The following GPC5 variants were observed in gnomAD, a reference collection of about 807,000 sequenced individuals.
GPC5 encodes glypican-5.
A neutral mutation model predicts 53.9 loss-of-function variants in GPC5; 47 were observed. The observed-to-expected ratio is 0.87, with a 90% CI of 0.69 to 1.11. The LOEUF is 1.11. Among genes scored for constraint, GPC5 ranks in the 50% most tolerant of loss-of-function variants. The pLI, the probability that GPC5 is intolerant of heterozygous loss-of-function variation, is 0.00. For synonymous variants in GPC5, 286 were observed against 263.3 expected (o/e 1.09, Z -0.84); for missense variants, 748 against 713.1 (o/e 1.05, Z -0.56).
At chr13:92,541,331 A>G (rs779655738) in intron 7 of GPC5, among the ~76,000 whole-genome samples, 4 of 151,872 alleles carry the variant, frequency 2.6e-5, no homozygotes, top group Non-Finnish European at 5.9e-5. Flanking sequence ...TAAAAATATT[A>G]TATGAAAATG....
In GPC5 at chr13:91,752,030, G is replaced by A. The variant is rs192911056; in HGVS notation, c.1155-4265G>A. ...CAAGATAAAGGTGTTGGCAGGTTTG[G>A]TTTCTGCAGAGGCTTCTCTCCTTGG... is the stretch of plus-strand genomic sequence containing the variant. On this transcript the variant is annotated intron_variant, in intron 4 of 7. Coordinates refer to ENST00000377067, the MANE Select transcript of GPC5 (RefSeq NM_004466.6). Among the ~76,000 whole-genome samples, 329 of 152,270 alleles carry A rather than the reference G, an allele frequency of 2.2e-3. 7 individuals carry two copies. The highest frequency in any genetic ancestry group is 0.02 in the Admixed American group (310 of 15,298).
intron 2 of GPC5, among the ~76,000 whole-genome samples, chr13:91,688,662 A>C (rs1460130769): frequency 6.6e-6 from 1 of 152,154 alleles, no homozygotes; most frequent in African/African-American, 2.4e-5. Flanking sequence ...GAAATACATC[A>C]TTAGACAATT....
intron 6 of GPC5, among the ~76,000 whole-genome samples, chr13:92,134,393 A>G (rs1219507158): frequency 6.6e-6 from 1 of 152,172 alleles, no homozygotes; most frequent in African/African-American, 2.4e-5. Flanking sequence ...ATTTGGGGAA[A>G]ACATATCTTC....
chr13:91,903,004 C>A (rs1209865355), intron 5 of GPC5, among the ~76,000 whole-genome samples: 18 of 149,064 alleles, frequency 1.2e-4, no homozygotes, highest in Non-Finnish European at 1.5e-5. Context: ...CAGTAAAACA[C>A]CCAAATCTTA....
chr13:91,796,934 G>T (rs1225458845), intron 5 of GPC5, among the ~76,000 whole-genome samples: 1 of 151,906 alleles, frequency 6.6e-6, no homozygotes, highest in Non-Finnish European at 1.5e-5. Context: ...TTTTTCCTTT[G>T]TATTTGTTAC....
intron 7 of GPC5, among the ~76,000 whole-genome samples, chr13:92,833,292 G>A (rs1566437413): frequency 6.6e-6 from 1 of 152,070 alleles, no homozygotes; most frequent in Non-Finnish European, 1.5e-5. Context: ...ATGTAATAGG[G>A]TGAACACAAC....
At chr13:92,512,627 C>G (rs80087740) in intron 7 of GPC5, among the ~76,000 whole-genome samples, 1 of 152,072 alleles carries the variant, frequency 6.6e-6, no homozygotes, top group Non-Finnish European at 1.5e-5. Context: ...TTTCCCTATG[C>G]CAATATCCAG....
In GPC5 at chr13:92,086,578, A is replaced by G. The variant is rs111930389; in HGVS notation, c.1402-58252A>G. ...TAAAATTTTTATTTTCTCTTCACACATTATTTGATCTCCTGTAGAACACTT... is the reference window on the plus strand; with the variant it reads ...TAAAATTTTTATTTTCTCTTCACACGTTATTTGATCTCCTGTAGAACACTT... On this transcript the variant is annotated intron_variant, in intron 6 of 7. Coordinates refer to ENST00000377067, the MANE Select transcript of GPC5 (RefSeq NM_004466.6). Among the ~76,000 whole-genome samples the G allele has an allele frequency of 5.6e-3, 851 of 151,682 alleles. 10 individuals are homozygous for G. Among genetic ancestry groups the G allele is most frequent in the African/African-American group, 0.02 (826 of 41,374 alleles).
At chr13:91,644,899 A>C (rs1010387498) in intron 2 of GPC5, among the ~76,000 whole-genome samples, 1 of 152,258 alleles carries the variant, frequency 6.6e-6, no homozygotes, top group East Asian at 1.9e-4. Context: ...GGGAATAATA[A>C]CTTAAAGACT....
At chr13:92,393,676 CAAAG>C (rs2139326998) in intron 7 of GPC5, among the ~76,000 whole-genome samples, 2 of 152,038 alleles carry the variant, frequency 1.3e-5, no homozygotes, top group African/African-American at 4.8e-5. Flanking sequence ...CTTACGAACA[CAAAG>C]AAGGAAACAA....
At chr13:91,617,261 G>A (rs886920512) in intron 2 of GPC5, among the ~76,000 whole-genome samples, 3 of 152,120 alleles carry the variant, frequency 2.0e-5, no homozygotes, top group Admixed American at 2.0e-4. Flanking sequence ...AGAGTGAAAT[G>A]GAAGAAGCAA....
intron 6 of GPC5, among the ~76,000 whole-genome samples, chr13:92,029,135 C>T (rs1353033329): frequency 6.6e-6 from 1 of 151,992 alleles, no homozygotes; most frequent in Non-Finnish European, 1.5e-5. Flanking sequence ...TCAGTATCAC[C>T]GTTTAGAAAT....
chr13:92,252,963 G>A (rs1479417000), intron 7 of GPC5, among the ~76,000 whole-genome samples: 9 of 152,096 alleles, frequency 5.9e-5, no homozygotes, highest in African/African-American at 1.7e-4. Flanking sequence ...AGACATAGAC[G>A]ATCAAAGTAG....
chr13:91,419,327 C>A (rs1421806136), intron 1 of GPC5, among the ~76,000 whole-genome samples: 1 of 152,006 alleles, frequency 6.6e-6, no homozygotes, highest in African/African-American at 2.4e-5. Context: ...AAATAATCCC[C>A]AAACTAAGAG....
chr13:92,284,112 T>C (rs112281736), intron 7 of GPC5, among the ~76,000 whole-genome samples: 8 of 152,228 alleles, frequency 5.3e-5, no homozygotes, highest in Middle Eastern at 3.4e-3. Context: ...ATGAAACACC[T>C]CTATGCAAAT....
chr13:92,840,545 T>C (rs1878400579), intron 7 of GPC5, among the ~76,000 whole-genome samples: 1 of 152,130 alleles, frequency 6.6e-6, no homozygotes, highest in Non-Finnish European at 1.5e-5. Flanking sequence ...GTAAGCCCTT[T>C]AATTGTTTTC....
intron 6 of GPC5, among the ~76,000 whole-genome samples, chr13:92,053,875 C>CA (rs2041051340): frequency 6.6e-6 from 1 of 151,472 alleles, no homozygotes; most frequent in Admixed American, 6.6e-5. Flanking sequence ...ACTAAAAATA[C>CA]AAAAAAATTA....
chr13:92,105,280 A>G (rs956928514), intron 6 of GPC5, among the ~76,000 whole-genome samples: 1 of 152,116 alleles, frequency 6.6e-6, no homozygotes, highest in Non-Finnish European at 1.5e-5. Context: ...CAAGTAATCA[A>G]TGGTATTTAT....
chr13:92,330,117 A>G (rs2043278665), intron 7 of GPC5, among the ~76,000 whole-genome samples: 1 of 152,206 alleles, frequency 6.6e-6, no homozygotes, highest in Non-Finnish European at 1.5e-5. Context: ...CAGGAATAAC[A>G]TCAATCACCA....
Sources: gnomAD v4.1 joint callset for allele counts (sites outside exome capture counted in the v4.1 genomes callset) on GRCh38, gnomAD v4.1.1 for gene constraint, MANE v1.5 for transcripts, NCBI Gene and HGNC (gene_info 2026-07-23, HGNC 2026-07-21) for gene names.